The following LINGO2 variants were observed in gnomAD, a reference collection of about 807,000 sequenced individuals.
LINGO2 encodes the protein leucine-rich repeat and immunoglobulin-like domain-containing nogo receptor-interacting protein 2.
LINGO2 carries 14 observed loss-of-function variants against 30.6 expected under a neutral mutation model. The observed-to-expected ratio is 0.46, with a 90% confidence interval of 0.30 to 0.72. LINGO2 has a LOEUF of 0.72. Among genes scored for constraint, LINGO2 ranks in the 30% least tolerant of loss-of-function variants. LINGO2 has a pLI of 0.07. For missense variants in LINGO2, 729 were observed against 751.7 expected, an observed-to-expected ratio of 0.97 and a Z score of 0.35; for synonymous variants, 317 against 288.5, an observed-to-expected ratio of 1.10 and a Z score of -1.00.
chr9:28,718,022 T>C, the LINGO2 span, among the ~76,000 whole-genome samples: 2 of 151,894 alleles, frequency 1.3e-5, no homozygotes, highest in Non-Finnish European at 2.9e-5. Flanking sequence ...AGATTCCTTA[T>C]AAATCAACAG....
intron 4 of LINGO2, among the ~76,000 whole-genome samples, chr9:28,170,557 C>T (rs908109745): frequency 1.3e-5 from 2 of 152,192 alleles, no homozygotes; most frequent in African/African-American, 2.4e-5. Context: ...GGTATATCAG[C>T]TTCCTAGTGC....
chr9:28,413,235 C>T (rs562931622), intron 2 of LINGO2, among the ~76,000 whole-genome samples: 117 of 152,052 alleles, frequency 7.7e-4, no homozygotes, highest in Admixed American at 2.0e-3. Flanking sequence ...ACCCTAACCC[C>T]CACCCCATAT....
rs117766586 is a variant in LINGO2 at position 28,368,982 on chromosome 9, A to G, written c.-246+3854T>C. ...TTGAATTACAGAATTCACAAAGTAT[A>G]TCTCAAGTCTTTGACAAAATGAAGC... On this transcript the variant is annotated intron_variant, in intron 3 of 5. Coordinates refer to ENST00000379992, the Ensembl canonical transcript of LINGO2. 5.3e-5 allele frequency among the ~76,000 whole-genome samples: 8 copies of G among 152,284 alleles called. No individual in the cohort carries two copies. The East Asian group carries it at 1.5e-3, about 29-fold the overall frequency.
chr9:28,397,474 G>T (rs531877333), intron 2 of LINGO2, among the ~76,000 whole-genome samples: 22 of 147,906 alleles, frequency 1.5e-4, no homozygotes, highest in Admixed American at 2.7e-4. Flanking sequence ...ATATTTAACA[G>T]CCACATTTTG....
intron 1 of LINGO2, among the ~76,000 whole-genome samples, chr9:28,578,230 G>C (rs564411928): frequency 1.3e-5 from 2 of 152,096 alleles, no homozygotes; most frequent in Admixed American, 6.6e-5. Flanking sequence ...AGTGCCAAAA[G>C]CATAAAGACT....
At chr9:29,208,195 C>G in the LINGO2 span, among the ~76,000 whole-genome samples, 1 of 151,832 alleles carries the variant, frequency 6.6e-6, no homozygotes, top group Admixed American at 6.6e-5. Context: ...AAGCAAGGGA[C>G]AGTTCCTACC....
chr9:28,934,128 T>G, the LINGO2 span, among the ~76,000 whole-genome samples: 1 of 152,234 alleles, frequency 6.6e-6, no homozygotes, highest in African/African-American at 2.4e-5. Context: ...ATTCCAACTC[T>G]TTTTAATACA....
At chr9:28,782,458 AATAGCATGCATGATAAAAGGGAAATG>A in the LINGO2 span, among the ~76,000 whole-genome samples, 1 of 152,176 alleles carries the variant, frequency 6.6e-6, no homozygotes, top group Non-Finnish European at 1.5e-5. Flanking sequence ...GTCCCAGAGG[AATAGCATGCATGATAAAAGGGAAATG>A]ATAACAAGAG....
chr9:28,419,767 C>A (rs7030096), intron 2 of LINGO2, among the ~76,000 whole-genome samples: 18,854 of 151,666 alleles, frequency 0.12, 1,366 homozygotes, highest in East Asian at 0.24. Context: ...TGCAACATTG[C>A]CAATAATAGA....
intron 1 of LINGO2, among the ~76,000 whole-genome samples, chr9:28,607,672 T>C (rs1215934582): frequency 6.6e-6 from 1 of 151,974 alleles, no homozygotes; most frequent in Non-Finnish European, 1.5e-5. Flanking sequence ...ACCTTACAGC[T>C]AACCAATTCT....
chr9:28,738,545 G>A, the LINGO2 span, among the ~76,000 whole-genome samples: 3 of 151,908 alleles, frequency 2.0e-5, no homozygotes, highest in Non-Finnish European at 4.4e-5. Flanking sequence ...AATTACAAAT[G>A]ATCAGTATGG....
intron 1 of LINGO2, among the ~76,000 whole-genome samples, chr9:28,632,222 T>C (rs531801202): frequency 6.6e-6 from 1 of 152,200 alleles, no homozygotes; most frequent in African/African-American, 2.4e-5. Context: ...TAAGAATCTA[T>C]AATGAAGACA....
the LINGO2 span, among the ~76,000 whole-genome samples, chr9:29,128,080 A>G: frequency 6.6e-6 from 1 of 152,084 alleles, no homozygotes; most frequent in Non-Finnish European, 1.5e-5. Context: ...TATAAGGATG[A>G]TATAAGTCAA....
rs145241791 is a variant in LINGO2 at position 28,613,079 on chromosome 9, G to T, written c.-365+57121C>A. ...TCCTTCCTGTCATCTTGTGAATAAG[G>T]TATCTTGCTTCTCCTTCGCTCTCTG... On this transcript the variant is annotated intron_variant, in intron 1 of 5. Transcript: ENST00000379992. Among the ~76,000 whole-genome samples, 1,439 of 152,134 alleles carry T rather than the reference G, an allele frequency of 9.5e-3. 27 individuals carry two copies. The highest frequency in any genetic ancestry group is 0.033 in the African/African-American group (1,365 of 41,518).
the LINGO2 span, among the ~76,000 whole-genome samples, chr9:28,833,820 T>C: frequency 2.0e-5 from 3 of 152,158 alleles, no homozygotes; most frequent in African/African-American, 4.8e-5. Context: ...AAGAAGGATA[T>C]TGGTAGGTAC....
the LINGO2 span, among the ~76,000 whole-genome samples, chr9:28,688,285 A>G: frequency 0.013 from 1,913 of 152,270 alleles, 32 homozygotes; most frequent in African/African-American, 0.043. Context: ...GACAAAAGAG[A>G]ACACTTAGAA....
the LINGO2 span, among the ~76,000 whole-genome samples, chr9:28,782,246 G>A: frequency 6.6e-6 from 1 of 152,150 alleles, no homozygotes; most frequent in Non-Finnish European, 1.5e-5. Flanking sequence ...AAAAATAAAT[G>A]AGAAAGCAGA....
intron 3 of LINGO2, among the ~76,000 whole-genome samples, chr9:28,323,615 T>C (rs148999005): frequency 7.6e-4 from 116 of 152,072 alleles, no homozygotes; most frequent in East Asian, 6.6e-3. Flanking sequence ...ATCAATAAAA[T>C]AAGAAGCAAG....
In LINGO2 at chr9:28,190,009, A is replaced by T. The variant is rs112214195; in HGVS notation, c.-87+105199T>A. Among the ~76,000 whole-genome samples, 353 of 152,262 alleles carry T rather than the reference A, an allele frequency of 2.3e-3. 2 individuals are homozygous for T. The highest frequency in any genetic ancestry group is 8.2e-3 in the African/African-American group (341 of 41,544). ...TACTTAGACAGGTTGCCATTAACTG[A>T]GGCCTCTTAATCTTGGGTCCATGAA... On this transcript the variant is annotated intron_variant, in intron 4 of 5. Coordinates refer to ENST00000379992, the Ensembl canonical transcript of LINGO2.
Sources: allele counts gnomAD v4.1 joint callset (sites outside exome capture counted in the v4.1 genomes callset), GRCh38; gene constraint gnomAD v4.1.1; transcripts MANE v1.5; gene names NCBI Gene and HGNC (gene_info 2026-07-23, HGNC 2026-07-21).